MYO7B: variants seen among roughly 807,000 people sequenced by gnomAD.
MYO7B encodes the protein myosin VIIB.
Under a neutral mutation model 259.7 loss-of-function variants are expected in MYO7B, and 212 were observed. That is an observed-to-expected ratio of 0.82 (90% CI 0.73 to 0.91). The LOEUF (loss-of-function observed/expected upper bound fraction) is 0.91, where lower values mean the gene tolerates loss of function less well. Ranked by LOEUF, MYO7B falls within the 40% of genes least tolerant of loss-of-function variation. MYO7B has a pLI of 0.00. For synonymous variants in MYO7B, 1,197 were observed against 1,166.4 expected (o/e 1.03, Z -0.54); for missense variants, 2,732 against 2,813.5 (o/e 0.97, Z 0.66).
intron 5 of MYO7B, among the ~76,000 whole-genome samples, chr2:127,567,882 A>C (rs1366493349): frequency 1.3e-5 from 2 of 152,080 alleles, no homozygotes; most frequent in African/African-American, 4.8e-5. Flanking sequence ...ACAGCAGGGG[A>C]GAGGAAAGGG....
chr2:127,636,062 C>A lies in MYO7B; in HGVS notation c.6007-146C>A. On this transcript the variant is annotated intron_variant, in intron 44 of 47. Transcript: ENST00000409816. This position sits in a 1 kb window ranked among gnomAD's most constrained non-coding sequence, Gnocchi z 4.5. ...CTGCACACACCACGCCTTCCTATGC[C>A]ATCCACAGCACCGAGACTGTCCCAT... 2 of 1,054,142 alleles carry A rather than the reference C, an allele frequency of 1.9e-6. No homozygotes were observed. The highest frequency in any genetic ancestry group is 1.6e-5 in the South Asian group (1 of 63,898). The allele number at this position is 1,054,142 out of a possible 1,614,324, so 65.3% of individuals were successfully genotyped here. A position where few individuals can be genotyped will look rare whatever the true frequency, so the allele number is the denominator to read the frequency against.
chr2:127,544,553 GGT>G (rs1693138904), intron 1 of MYO7B, among the ~76,000 whole-genome samples: 1 of 150,888 alleles, frequency 6.6e-6, no homozygotes, highest in Non-Finnish European at 1.5e-5. Flanking sequence ...GGATTACAGG[GGT>G]GTGCCACCAC....
chr2:127,572,379 A>G (rs1678674908), intron 6 of MYO7B, among the ~76,000 whole-genome samples: 1 of 147,332 alleles, frequency 6.8e-6, no homozygotes, highest in Non-Finnish European at 1.5e-5. Flanking sequence ...AGATCACACC[A>G]CTGCACTCCA....
Position 127,590,127 on chromosome 2 carries a change from A to G in MYO7B, c.1890A>G (p.Gly630=), listed in dbSNP as rs767847685. The part of the protein sequence containing the change: ...ADSNKRPSTL[G]SQFKQSLDQL... ...CAAATAAACGGCCCTCCACCTTAGG[A>G]AGCCAGTTCAAACAGTCTCTGGACC... Residue 630 remains glycine (G), a synonymous_variant, in exon 16 of 48, where the codon GGA becomes GGG. Transcript: ENST00000409816. This position sits in a 1 kb window ranked among gnomAD's most constrained non-coding sequence, Gnocchi z 4.6. The G allele has an allele frequency of 6.2e-7, 1 of 1,604,642 alleles. No individual in the cohort carries two copies. The highest frequency in any genetic ancestry group is 8.5e-7 in the Non-Finnish European group (1 of 1,176,168).
intron 3 of MYO7B, 134 bp from the exon 4 acceptor site, chr2:127,565,099 G>A (rs1381175156): frequency 1.8e-6 from 2 of 1,123,164 alleles, no homozygotes. Context: ...GCCGGAGGCT[G>A]GCCACTGCCC....
chr2:127,540,037 T>C (rs1692942198), intron 1 of MYO7B, among the ~76,000 whole-genome samples: 1 of 152,240 alleles, frequency 6.6e-6, no homozygotes, highest in African/African-American at 2.4e-5. Context: ...TGAGTAGTAT[T>C]CCATGGTGTA....
At position 127,609,732 on chromosome 2, in the gene MYO7B, G is replaced by A; in HGVS notation, c.3024+17G>A. ...GACTGCTTGGTACCAGGGTTCACTG[G>A]CTTCTAGTGGATCAGGCCAGCCCCG... On this transcript the variant is annotated intron_variant, in intron 23 of 47. Coordinates refer to ENST00000409816, the MANE Select transcript of MYO7B (RefSeq NM_001393586.1). This position sits in a 1 kb window ranked among gnomAD's most constrained non-coding sequence, Gnocchi z 6.9. 6.2e-7 allele frequency: 1 copy of A among 1,613,872 alleles called. No individual in the cohort carries two copies. The highest frequency in any genetic ancestry group is 8.5e-7 in the Non-Finnish European group (1 of 1,179,828).
chr2:127,562,220 A>C (rs13395434), intron 2 of MYO7B, among the ~76,000 whole-genome samples: 20,528 of 152,216 alleles, frequency 0.13, 2,242 homozygotes, highest in African/African-American at 0.29. Context: ...GACACAATTC[A>C]GTCCATATAA....
At chr2:127,620,290 TCTC>T (rs1427808823) in intron 26 of MYO7B, 47 bp from the exon 27 acceptor site, 18 of 1,564,792 alleles carry the variant, frequency 1.2e-5, no homozygotes, top group Middle Eastern at 1.7e-4. Context: ...CCCTGTCTCC[TCTC>T]CTCCTCCAGC....
At chr2:127,538,635 G>A (rs1453727074) in intron 1 of MYO7B, among the ~76,000 whole-genome samples, 1 of 151,282 alleles carries the variant, frequency 6.6e-6, no homozygotes, top group African/African-American at 2.4e-5. Flanking sequence ...GCATGATCTC[G>A]GCTCACTGCA....
Position 127,637,463 on chromosome 2 carries a change from G to T in MYO7B, c.*46G>T. 2.1e-6 allele frequency: 3 copies of T among 1,396,954 alleles called. No individual in the cohort carries two copies. Among genetic ancestry groups the T allele is most frequent in the Non-Finnish European group, 2.9e-6 (3 of 1,047,224 alleles). The allele number at this position is 1,396,954 out of a possible 1,614,324, so 86.5% of individuals were successfully genotyped here. ...GCTCAGGCGCCCTTCCCGACCTCTAGCCTGGCGGCACCTTCCCAGGCCCTC... is the reference window on the plus strand; with the variant it reads ...GCTCAGGCGCCCTTCCCGACCTCTATCCTGGCGGCACCTTCCCAGGCCCTC... On this transcript the variant is annotated 3_prime_UTR_variant, in exon 48 of 48. Transcript: ENST00000409816.
At chr2:127,601,356 G>A (rs1679958049) in intron 19 of MYO7B, among the ~76,000 whole-genome samples, 1 of 152,204 alleles carries the variant, frequency 6.6e-6, no homozygotes, top group African/African-American at 2.4e-5. Flanking sequence ...TAGAGGTGTT[G>A]AAGTCTATAT....
chr2:127,541,510 G>A (rs1287164865), intron 1 of MYO7B, among the ~76,000 whole-genome samples: 1 of 152,206 alleles, frequency 6.6e-6, no homozygotes. Context: ...GAGAGGAATA[G>A]CATCAATGAG....
chr2:127,552,323 G>A (rs997679068), intron 1 of MYO7B, among the ~76,000 whole-genome samples: 6 of 152,186 alleles, frequency 3.9e-5, no homozygotes, highest in Non-Finnish European at 5.9e-5. Context: ...GGCTAGTTGG[G>A]GATGGAAATG....
rs1678855792 is a variant in MYO7B at position 127,576,115 on chromosome 2, C to A, written c.736-480C>A. Among the ~76,000 whole-genome samples, 1 of 151,916 alleles carries A rather than the reference C, an allele frequency of 6.6e-6. No homozygotes were observed. Among genetic ancestry groups the A allele is most frequent in the Non-Finnish European group, 1.5e-5 (1 of 68,002 alleles). On this transcript the variant is annotated intron_variant, in intron 7 of 47. Coordinates refer to ENST00000409816, the MANE Select transcript of MYO7B (RefSeq NM_001393586.1). This position sits in a 1 kb window ranked among gnomAD's most constrained non-coding sequence, Gnocchi z 4.9. ...TTGGTAGGCTGAGGTGGGAGGATGGCTTGAATCCAGGACTTCGAGGCTACA... is the reference window on the plus strand; with the variant it reads ...TTGGTAGGCTGAGGTGGGAGGATGGATTGAATCCAGGACTTCGAGGCTACA...
At chr2:127,629,558 A>C in intron 34 of MYO7B, 87 bp from the exon 35 acceptor site, 1 of 1,328,276 alleles carries the variant, frequency 7.5e-7, no homozygotes, top group Non-Finnish European at 1.0e-6. Context: ...CCTCGGTTTC[A>C]TCTGTCAAAG....
intron 34 of MYO7B, among the ~76,000 whole-genome samples, chr2:127,629,235 A>C (rs185379750): frequency 8.5e-4 from 129 of 152,318 alleles, no homozygotes; most frequent in African/African-American, 2.8e-3. Context: ...TTCAGTCCTC[A>C]CGGCCACCGC....
Position 127,588,493 on chromosome 2 carries a change from G to T in MYO7B, c.1792G>T (p.Ala598Ser), listed in dbSNP as rs1157644831. 5.6e-6 allele frequency: 9 copies of T among 1,613,208 alleles called. No homozygotes were observed. Among genetic ancestry groups the T allele is most frequent in the Non-Finnish European group, 7.6e-6 (9 of 1,179,872 alleles). The change falls in exon 15 of 48, where the codon GCA (alanine) becomes TCA (serine). Residue 598 changes from alanine (A) to serine (S), a missense_variant. Around this residue, in one of 3 missense-constraint regions of MYO7B, gnomAD observed 1,906 missense variants for 2,026.4 expected, o/e 0.94. Transcript: ENST00000409816. ...FLREIFNLEL[A>S]ETKLGHGTIR... ...GAGGGAGATATTCAACTTGGAGTTA[G>T]CAGAGACCAAGCTGGGCCATGGGAC...
chr2:127,632,526 T>C, intron 39 of MYO7B, 125 bp downstream of exon 39: 2 of 1,284,214 alleles, frequency 1.6e-6, no homozygotes, highest in Non-Finnish European at 2.1e-6. Context: ...CAGTGTCAGC[T>C]TGGCAGGCAG....
Sources: allele counts gnomAD v4.1 joint callset (sites outside exome capture counted in the v4.1 genomes callset), GRCh38; gene constraint gnomAD v4.1.1; regional missense constraint gnomAD v4.1.1; non-coding constraint Gnocchi (gnomAD v3.1); transcripts MANE v1.5; gene names NCBI Gene and HGNC (gene_info 2026-07-23, HGNC 2026-07-21).